Variants in SPAG17 observed in about 807,000 individuals in gnomAD.
SPAG17 encodes sperm associated antigen 17.
SPAG17 carries 169 observed loss-of-function variants against 273.6 expected under a neutral mutation model. The ratio of observed to expected loss-of-function variants is 0.62; its 90% CI spans 0.55 to 0.70. The LOEUF (loss-of-function observed/expected upper bound fraction) is 0.70. Among genes scored for constraint, SPAG17 ranks in the 30% least tolerant of loss-of-function variants. The probability of loss-of-function intolerance (pLI) is 0.00; values close to 1 mark genes in which losing one functional copy is unlikely to be tolerated. For synonymous variants in SPAG17, 825 were observed against 873.2 expected (o/e 0.94, Z 0.97); for missense variants, 2,557 against 2,627.8 (o/e 0.97, Z 0.59).
intron 20 of SPAG17, among the ~76,000 whole-genome samples, chr1:118,042,260 A>G (rs1649861020): frequency 6.6e-6 from 1 of 152,072 alleles, no homozygotes; most frequent in African/African-American, 2.4e-5. Flanking sequence ...ATCTCTCCTC[A>G]CTTCAGCTTC....
intron 8 of SPAG17, among the ~76,000 whole-genome samples, chr1:118,092,311 A>G (rs1251186078): frequency 6.6e-6 from 1 of 152,148 alleles, no homozygotes; most frequent in Non-Finnish European, 1.5e-5. Flanking sequence ...ACTCAGAGTC[A>G]TCCCATTCTC....
At chr1:118,031,452 A>G (rs564873217) in intron 25 of SPAG17, among the ~76,000 whole-genome samples, 63 of 152,260 alleles carry the variant, frequency 4.1e-4, no homozygotes, top group African/African-American at 1.5e-3. Context: ...AGTTTTTCCA[A>G]ACTTAGAATG....
At chr1:118,090,007 T>A (rs1033933836) in intron 10 of SPAG17, among the ~76,000 whole-genome samples, 2 of 152,156 alleles carry the variant, frequency 1.3e-5, no homozygotes, top group Admixed American at 6.6e-5. Context: ...TTTCCTGAGG[T>A]CTCTCCAGCC....
At chr1:118,114,490 G>A (rs1048635052) in intron 4 of SPAG17, among the ~76,000 whole-genome samples, 7 of 152,166 alleles carry the variant, frequency 4.6e-5, no homozygotes, top group East Asian at 3.9e-4. Flanking sequence ...TTTTTCTTCC[G>A]TGAATTGATT....
intron 19 of SPAG17, 40 bp from the exon 20 acceptor site, chr1:118,054,133 A>G: frequency 3.0e-6 from 4 of 1,346,100 alleles, no homozygotes; most frequent in Non-Finnish European, 4.2e-6. Context: ...TAACTCTTAA[A>G]TAAGATATCA....
chr1:118,031,664 T>C (rs1451698426), intron 25 of SPAG17, 28 bp downstream of exon 25: 2 of 1,608,318 alleles, frequency 1.2e-6, no homozygotes, highest in Non-Finnish European at 8.5e-7. Context: ...GAAACAGAGT[T>C]TGGGAATCTA....
chr1:118,025,300 C>T lies in SPAG17; in HGVS notation c.3847G>A (p.Ala1283Thr), dbSNP rs369406622. ...KTVMPPAEQE[A>T]SRVITSQGTV... ...CCTTGACTGGTGATAACCCTTGAAG[C>T]CTCCTGCTCTGCGGGTGGCATCACC... The change falls in exon 27 of 49, where the codon GCT (alanine) becomes ACT (threonine). Residue 1283 changes from alanine to threonine, a missense_variant. Coordinates refer to ENST00000336338, the MANE Select transcript of SPAG17 (RefSeq NM_206996.4). 10 of 1,613,574 alleles carry T rather than the reference C, an allele frequency of 6.2e-6. No individual in the cohort carries two copies. Among genetic ancestry groups the T allele is most frequent in the Non-Finnish European group, 6.8e-6 (8 of 1,179,808 alleles).
At chr1:117,982,543 CT>C (rs1195556264) in intron 42 of SPAG17, among the ~76,000 whole-genome samples, 1 of 152,124 alleles carries the variant, frequency 6.6e-6, no homozygotes, top group Non-Finnish European at 1.5e-5. Context: ...GCCCGGCCCC[CT>C]ATCTGGGTAT....
intron 5 of SPAG17, among the ~76,000 whole-genome samples, chr1:118,100,908 C>T (rs764262270): frequency 4.6e-5 from 7 of 152,158 alleles, no homozygotes; most frequent in Non-Finnish European, 7.4e-5. Context: ...ACTATGTGCT[C>T]TATGTGAGTC....
intron 18 of SPAG17, among the ~76,000 whole-genome samples, chr1:118,062,842 A>T (rs747727455): frequency 6.6e-6 from 1 of 152,212 alleles, no homozygotes; most frequent in Non-Finnish European, 1.5e-5. Flanking sequence ...CTGACTACAT[A>T]TTAAACAACA....
chr1:118,068,974 T>G (rs1344376151), intron 17 of SPAG17, among the ~76,000 whole-genome samples: 1 of 151,988 alleles, frequency 6.6e-6, no homozygotes, highest in Non-Finnish European at 1.5e-5. Context: ...ATCTGATATA[T>G]AGAGAATGGA....
rs573479404 is a variant in SPAG17 at position 118,057,470 on chromosome 1, G to A, written c.2541-1556C>T. 5.3e-5 allele frequency among the ~76,000 whole-genome samples: 8 copies of A among 152,114 alleles called. No individual in the cohort carries two copies. In the East Asian group the frequency reaches 1.4e-3, roughly 26 times the overall value. ...GAGTCTGCATGTCAAATAAAAATCA[G>A]AATACTTACAAGTAACCTACACCAA... On this transcript the variant is annotated intron_variant, in intron 18 of 48. Transcript: ENST00000336338.
chr1:118,023,140 T>A (rs942497413), intron 28 of SPAG17, among the ~76,000 whole-genome samples, 164 bp downstream of exon 28: 4 of 152,266 alleles, frequency 2.6e-5, no homozygotes, highest in South Asian at 2.1e-4. Context: ...CAGTACGTAA[T>A]TCTGTGATAG....
chr1:118,184,156 T>C (rs1661071163), intron 1 of SPAG17, among the ~76,000 whole-genome samples: 1 of 152,168 alleles, frequency 6.6e-6, no homozygotes, highest in Admixed American at 6.5e-5. Flanking sequence ...TTTAGATCCA[T>C]TTTCCCTTTA....
rs185474613 is a variant in SPAG17, at chr1:118,058,160, T to C, written c.2541-2246A>G. On this transcript the variant is annotated intron_variant, in intron 18 of 48. Transcript: ENST00000336338. ...ACTTTATTTTTAATTATTATGAAAA[T>C]CCTTTAAAAGACATAGGCTATCAGA... 1.0e-3 allele frequency among the ~76,000 whole-genome samples: 155 copies of C among 152,290 alleles called. 1 individual carries two copies. The East Asian group carries it at 0.014, about 14-fold the overall frequency.
At chr1:118,129,930 G>A (rs1657968043) in intron 3 of SPAG17, among the ~76,000 whole-genome samples, 1 of 152,052 alleles carries the variant, frequency 6.6e-6, no homozygotes, top group Non-Finnish European at 1.5e-5. Context: ...GACAAAGAAT[G>A]TATTCAGTGT....
intron 1 of SPAG17, among the ~76,000 whole-genome samples, chr1:118,161,099 G>A (rs1236614769): frequency 6.6e-6 from 1 of 152,180 alleles, no homozygotes; most frequent in African/African-American, 2.4e-5. Context: ...AACAAACTAA[G>A]GGATACACAA....
intron 20 of SPAG17, among the ~76,000 whole-genome samples, chr1:118,042,665 G>A (rs981433315): frequency 5.3e-5 from 8 of 152,102 alleles, no homozygotes; most frequent in Non-Finnish European, 1.2e-4. Context: ...CTTCAGTTAT[G>A]ACAGGAAATA....
chr1:118,094,412 T>C (rs1049246683), intron 7 of SPAG17, among the ~76,000 whole-genome samples: 50 of 152,180 alleles, frequency 3.3e-4, no homozygotes, highest in African/African-American at 1.2e-3. Context: ...CCAGGGACAG[T>C]TATCATGCAT....
Sources: allele counts gnomAD v4.1 joint callset (sites outside exome capture counted in the v4.1 genomes callset), GRCh38; gene constraint gnomAD v4.1.1; transcripts MANE v1.5; gene names NCBI Gene and HGNC (gene_info 2026-07-23, HGNC 2026-07-21).